The following PHTF2 variants were observed in gnomAD, a reference collection of about 807,000 sequenced individuals.
PHTF2 encodes putative homeodomain transcription factor 2.
PHTF2 carries 60 observed loss-of-function variants against 101.2 expected under a neutral mutation model. That is an observed-to-expected ratio of 0.59 (90% CI 0.48 to 0.73). The LOEUF is 0.73. Ranked by LOEUF, PHTF2 falls within the 30% of genes least tolerant of loss-of-function variation. The pLI is 0.00. For missense variants in PHTF2, 747 were observed against 908.7 expected, an observed-to-expected ratio of 0.82 and a Z score of 2.29; for synonymous variants, 311 against 307.3, an observed-to-expected ratio of 1.01 and a Z score of -0.13.
intron 1 of PHTF2, among the ~76,000 whole-genome samples, chr7:77,803,084 A>G (rs1319301807): frequency 6.6e-6 from 1 of 152,228 alleles, no homozygotes; most frequent in East Asian, 1.9e-4. Context: ...AGATGAGAAC[A>G]ACTGATTGCT....
rs115802782 is a variant in PHTF2 at position 77,887,208 on chromosome 7, G to T, written c.148-6400G>T. Reference sequence around the variant, plus strand: ...TACATATATTTAATATAGCATATTAGCTATGTTAATTTCAGTTTTTACAGC... The same window carrying T: ...TACATATATTTAATATAGCATATTATCTATGTTAATTTCAGTTTTTACAGC... On this transcript the variant is annotated intron_variant, in intron 3 of 19. Coordinates refer to ENST00000416283, the Ensembl canonical transcript of PHTF2. 5.3e-3 allele frequency among the ~76,000 whole-genome samples: 808 copies of T among 151,952 alleles called. 7 individuals are homozygous for T. Among genetic ancestry groups the T allele is most frequent in the African/African-American group, 0.018 (749 of 41,436 alleles).
chr7:77,866,949 T>C (rs1370367562), intron 3 of PHTF2, among the ~76,000 whole-genome samples: 1 of 152,190 alleles, frequency 6.6e-6, no homozygotes, highest in Non-Finnish European at 1.5e-5. Flanking sequence ...CATTCTTTCC[T>C]TGTCACATGC....
intron 1 of PHTF2, among the ~76,000 whole-genome samples, chr7:77,838,021 G>C (rs977251771): frequency 6.6e-6 from 1 of 152,126 alleles, no homozygotes; most frequent in African/African-American, 2.4e-5. Flanking sequence ...GTGAAAAGTT[G>C]ATATTCTCAT....
At chr7:77,895,713 G>A (rs939659805) in intron 5 of PHTF2, among the ~76,000 whole-genome samples, 1 of 152,096 alleles carries the variant, frequency 6.6e-6, no homozygotes, top group Non-Finnish European at 1.5e-5. Context: ...AATCCTAAAT[G>A]TATGTTAGGG....
intron 1 of PHTF2, among the ~76,000 whole-genome samples, chr7:77,823,404 A>G (rs186808654): frequency 1.1e-3 from 162 of 151,666 alleles, no homozygotes; most frequent in African/African-American, 3.8e-3. Context: ...TATTTTTAGT[A>G]GAGATAGGGT....
exon 14 of PHTF2, chr7:77,940,171 T>C (rs1805520862): frequency 1.2e-6 from 2 of 1,613,842 alleles, no homozygotes; most frequent in Non-Finnish European, 1.7e-6. Context: ...TTCAGAACTT[T>C]ATGTGATTGC....
chr7:77,863,572 A>AT (rs1015359710), intron 3 of PHTF2, among the ~76,000 whole-genome samples: 255 of 150,052 alleles, frequency 1.7e-3, no homozygotes, highest in African/African-American at 5.8e-3. Flanking sequence ...AGGATTAAAG[A>AT]TTTTTTTTTT....
intron 18 of PHTF2, among the ~76,000 whole-genome samples, chr7:77,953,161 C>G (rs1006906441): frequency 2.0e-5 from 3 of 152,168 alleles, no homozygotes; most frequent in African/African-American, 7.2e-5. Context: ...GGAGCACCTT[C>G]CTCTATGGCC....
At chr7:77,840,732 A>G (rs1251558830) in intron 2 of PHTF2, among the ~76,000 whole-genome samples, 2 of 152,004 alleles carry the variant, frequency 1.3e-5, no homozygotes, top group Non-Finnish European at 2.9e-5. Flanking sequence ...CTGAAATATT[A>G]AAGTGTTTAT....
At chr7:77,945,687 A>G (rs571359048) in intron 16 of PHTF2, among the ~76,000 whole-genome samples, 1 of 152,290 alleles carries the variant, frequency 6.6e-6, no homozygotes, top group South Asian at 2.1e-4. Context: ...TTTTTAAGAT[A>G]CTAGTATGAA....
chr7:77,857,282 A>G (rs1797260143), intron 3 of PHTF2, among the ~76,000 whole-genome samples: 1 of 152,218 alleles, frequency 6.6e-6, no homozygotes, highest in Admixed American at 6.5e-5. Flanking sequence ...TTGTGGAAAG[A>G]AGGAGGAAAT....
At chr7:77,954,214 A>G (rs1045303949) in intron 19 of PHTF2, among the ~76,000 whole-genome samples, 2 of 151,872 alleles carry the variant, frequency 1.3e-5, no homozygotes, top group African/African-American at 2.4e-5. Context: ...GCTCACTGCA[A>G]CCTCTGCCTC....
chr7:77,900,718 G>A, exon 6 of PHTF2: 1 of 1,531,310 alleles, frequency 6.5e-7, no homozygotes, highest in Non-Finnish European at 9.0e-7. Context: ...TAGGGGCTAA[G>A]GAATAAACCA....
At chr7:77,813,477 G>T (rs570672445) in intron 1 of PHTF2, among the ~76,000 whole-genome samples, 1 of 152,254 alleles carries the variant, frequency 6.6e-6, no homozygotes, top group South Asian at 2.1e-4. Context: ...AGCAAAAGAT[G>T]ATTGGATTAA....
rs114984189 is a variant in PHTF2, at chr7:77,893,905, T to C, written c.205-77T>C. The C allele has an allele frequency of 1.9e-3, 2,016 of 1,054,708 alleles. 27 individuals are homozygous for C. In the African/African-American group the frequency reaches 0.028, roughly 15 times the overall value. 65.3% of individuals were successfully genotyped at this position (1,054,708 alleles called of 1,614,324 possible). On this transcript the variant is annotated intron_variant, in intron 4 of 19. Transcript: ENST00000416283. The stretch of plus-strand genomic sequence containing the variant: ...TCTAATGACTATTTTTTTGTCAGCT[T>C]TTTTCCCCTTTCACTTGTCACCTTA...
chr7:77,918,554 G>A (rs1262527252), intron 9 of PHTF2, among the ~76,000 whole-genome samples: 4 of 152,108 alleles, frequency 2.6e-5, no homozygotes, highest in Non-Finnish European at 5.9e-5. Context: ...AGGATATCAA[G>A]TAACAACTTC....
chr7:77,922,053 C>T (rs549186445), intron 10 of PHTF2, among the ~76,000 whole-genome samples: 9 of 122,152 alleles, frequency 7.4e-5, no homozygotes, highest in African/African-American at 2.2e-4. Context: ...GACATGGTCT[C>T]ACTATGTTGC....
chr7:77,833,105 A>G (rs976637896), intron 1 of PHTF2, among the ~76,000 whole-genome samples: 2 of 152,222 alleles, frequency 1.3e-5, no homozygotes, highest in Non-Finnish European at 2.9e-5. Context: ...AAAGCCTTGG[A>G]TAAAGGGAGT....
intron 1 of PHTF2, among the ~76,000 whole-genome samples, chr7:77,827,877 T>C (rs771970979): frequency 6.6e-6 from 1 of 151,962 alleles, no homozygotes. Context: ...CTCCTGACCT[T>C]AAGTGATCCA....
Sources: allele counts gnomAD v4.1 joint callset (sites outside exome capture counted in the v4.1 genomes callset), GRCh38; gene constraint gnomAD v4.1.1; transcripts MANE v1.5; gene names NCBI Gene and HGNC (gene_info 2026-07-23, HGNC 2026-07-21).